TET3: variants seen among roughly 807,000 people sequenced by gnomAD.
TET3 encodes the protein tet methylcytosine dioxygenase 3.
Under a neutral mutation model 141.4 loss-of-function variants are expected in TET3, and 19 were observed. That is an observed-to-expected ratio of 0.13 (90% CI 0.09 to 0.20). The LOEUF (loss-of-function observed/expected upper bound fraction) is 0.20. Ranked by LOEUF, TET3 falls within the 10% of genes least tolerant of loss-of-function variation. The pLI, the probability that TET3 is intolerant of heterozygous loss-of-function variation, is 1.00. For synonymous variants in TET3, 1,043 were observed against 980.9 expected (o/e 1.06, Z -1.18); for missense variants, 1,874 against 2,356.9 (o/e 0.80, Z 4.24).
chr2:74,020,863 C>T (rs1686000592), intron 3 of TET3, among the ~76,000 whole-genome samples: 2 of 152,138 alleles, frequency 1.3e-5, no homozygotes, highest in African/African-American at 4.8e-5. Context: ...TCAGCGTGTC[C>T]CGGGGTTTCC....
Position 74,093,469 on chromosome 2 carries a change from G to A in TET3, c.3130-60G>A. ...CTTCCAAGACCTGGCCTCCCCAGGT[G>A]CAGAATCGGGGCCACTCACCTCAGG... On this transcript the variant is annotated intron_variant, in intron 9 of 11. Coordinates refer to ENST00000409262, the MANE Select transcript of TET3 (RefSeq NM_001287491.2). The surrounding 1 kb of genome is among the most constrained non-coding windows in gnomAD (Gnocchi z 4.2). The A allele has an allele frequency of 1.3e-6, 2 of 1,499,340 alleles. No individual in the cohort carries two copies. The highest frequency in any genetic ancestry group is 1.8e-6 in the Non-Finnish European group (2 of 1,116,516). The allele number at this position is 1,499,340 out of a possible 1,614,324, so 92.9% of individuals were successfully genotyped here.
At chr2:74,114,680 C>T in the TET3 span, among the ~76,000 whole-genome samples, 2 of 151,288 alleles carry the variant, frequency 1.3e-5, no homozygotes, top group African/African-American at 4.9e-5. Context: ...GGTGAAACCC[C>T]CGTCTCTACT....
At chr2:74,012,262 T>A (rs1286727726) in intron 3 of TET3, among the ~76,000 whole-genome samples, 2 of 152,176 alleles carry the variant, frequency 1.3e-5, no homozygotes, top group Non-Finnish European at 2.9e-5. Flanking sequence ...ATGAGCCACC[T>A]CCTCAGGCCC....
chr2:74,076,441 G>GTTTTTTTTT (rs70965785), intron 5 of TET3, among the ~76,000 whole-genome samples: 1 of 56,584 alleles, frequency 1.8e-5, no homozygotes, highest in African/African-American at 6.2e-5. Context: ...ATTCCTCTGG[G>GTTTTTTTTT]TTTTTTTTTT....
rs780832513 is a variant in TET3, at chr2:74,048,092, C to T, written c.2175C>T (p.Pro725=). 20 of 1,613,310 alleles carry T rather than the reference C, an allele frequency of 1.2e-5. No homozygotes were observed. Among genetic ancestry groups the T allele is most frequent in the Admixed American group, 3.3e-5 (2 of 59,904 alleles). The change falls in exon 4 of 12, where the codon CCC becomes CCT. Residue 725 remains proline, a synonymous_variant. Coordinates refer to ENST00000409262, the MANE Select transcript of TET3 (RefSeq NM_001287491.2). ...EAEFGDSFGL[P]GPPSVPIQDP... ...AATTTGGAGATAGCTTTGGGCTTCC[C>T]GGCCCCCCTTCTGTGCCCATTCAGG...
At chr2:74,067,684 G>T in intron 4 of TET3, among the ~76,000 whole-genome samples, 1 of 152,190 alleles carries the variant, frequency 6.6e-6, no homozygotes, top group Admixed American at 6.5e-5. Context: ...TTTAAACTAG[G>T]CCCTTTCTTG....
chr2:74,073,823 T>C, intron 5 of TET3, 184 bp downstream of exon 5: 1 of 514,860 alleles, frequency 1.9e-6, no homozygotes, highest in Non-Finnish European at 3.4e-6. Flanking sequence ...TCTTTCATTC[T>C]GTAGGTCTGC....
chr2:74,112,613 A>T (rs1361617534), downstream of TET3, among the ~76,000 whole-genome samples: 1 of 152,044 alleles, frequency 6.6e-6, no homozygotes, highest in Non-Finnish European at 1.5e-5. Flanking sequence ...TATTTTAAAA[A>T]ACAAATATTA....
chr2:74,047,378 G>C lies in TET3; in HGVS notation c.1461G>C (p.Lys487Asn). ...AGCGGCCTGAGGCCCTGCCTACCAA[G>C]CCCAAGGTCAAGGTGGAGGCACCCT... ...VFKRPEALPT[K>N]PKVKVEAPSS... Residue 487 changes from lysine (K) to asparagine (N), a missense_variant, in exon 4 of 12, where the codon AAG becomes AAC. Physicochemically the swap from Lys to Asn is moderately conservative, Grantham distance 94. Coordinates refer to ENST00000409262, the MANE Select transcript of TET3 (RefSeq NM_001287491.2). The C allele has an allele frequency of 6.2e-7, 1 of 1,613,808 alleles. No homozygotes were observed. The highest frequency in any genetic ancestry group is 8.5e-7 in the Non-Finnish European group (1 of 1,179,876).
chr2:74,093,480 G>C lies in TET3; in HGVS notation c.3130-49G>C. On this transcript the variant is annotated intron_variant, in intron 9 of 11. Transcript: ENST00000409262. This position sits in a 1 kb window ranked among gnomAD's most constrained non-coding sequence, Gnocchi z 4.2. Reference sequence around the variant, plus strand: ...TGGCCTCCCCAGGTGCAGAATCGGGGCCACTCACCTCAGGTCATGTGAGCA... The same window carrying C: ...TGGCCTCCCCAGGTGCAGAATCGGGCCCACTCACCTCAGGTCATGTGAGCA... 6.6e-7 allele frequency: 1 copy of C among 1,514,978 alleles called. No individual in the cohort carries two copies. 93.8% of individuals were successfully genotyped at this position (1,514,978 alleles called of 1,614,324 possible).
At chr2:74,109,746 CATCATTATTCATATTGGG>C (rs964175115), downstream of TET3, among the ~76,000 whole-genome samples, 1 of 152,202 alleles carries the variant, frequency 6.6e-6, no homozygotes, top group African/African-American at 2.4e-5. Flanking sequence ...ACACCTAGAG[CATCATTATTCATATTGGG>C]ATCTCTAGAA....
At chr2:74,076,608 CT>C (rs565794507) in intron 5 of TET3, among the ~76,000 whole-genome samples, 451 of 141,524 alleles carry the variant, frequency 3.2e-3, no homozygotes, top group Middle Eastern at 3.6e-3. Flanking sequence ...ACCAGCATAC[CT>C]TTTTTTTTTT....
chr2:74,120,398 C>T, the TET3 span, among the ~76,000 whole-genome samples: 23,457 of 152,276 alleles, frequency 0.15, 2,387 homozygotes, highest in East Asian at 0.37. Flanking sequence ...TCCGTCTTTC[C>T]CTCCTGGGCT....
At chr2:74,038,976 C>A (rs141072724) in intron 3 of TET3, among the ~76,000 whole-genome samples, 1 of 152,224 alleles carries the variant, frequency 6.6e-6, no homozygotes, top group East Asian at 1.9e-4. Flanking sequence ...TCATCCCCAT[C>A]TGTCTGCTAG....
chr2:74,054,540 A>G (rs1260092816), intron 4 of TET3, among the ~76,000 whole-genome samples: 1 of 152,158 alleles, frequency 6.6e-6, no homozygotes, highest in Non-Finnish European at 1.5e-5. Flanking sequence ...GTGAACTGGT[A>G]GTTCTTTGGC....
At chr2:74,016,606 C>CAGCT (rs544075254) in intron 3 of TET3, among the ~76,000 whole-genome samples, 3 of 151,912 alleles carry the variant, frequency 2.0e-5, no homozygotes, top group African/African-American at 4.8e-5. Flanking sequence ...CCTGTAGTTC[C>CAGCT]AGCTATTTGG....
At chr2:74,109,710 A>G (rs187433804), downstream of TET3, among the ~76,000 whole-genome samples, 5 of 151,592 alleles carry the variant, frequency 3.3e-5, no homozygotes, top group Non-Finnish European at 1.5e-5. Context: ...GTCCACCACT[A>G]CTCCCCACCG....
At chr2:74,030,591 C>G (rs545781033) in intron 3 of TET3, among the ~76,000 whole-genome samples, 14 of 152,264 alleles carry the variant, frequency 9.2e-5, no homozygotes, top group African/African-American at 3.4e-4. Flanking sequence ...CATTTATTTG[C>G]TTATCTACAG....
At chr2:74,076,886 C>G (rs1233532599) in intron 5 of TET3, among the ~76,000 whole-genome samples, 1 of 152,172 alleles carries the variant, frequency 6.6e-6, no homozygotes, top group Non-Finnish European at 1.5e-5. Context: ...TTAGCTTTTC[C>G]AGTAAAGATT....
Sources: allele counts gnomAD v4.1 joint callset (sites outside exome capture counted in the v4.1 genomes callset), GRCh38; gene constraint gnomAD v4.1.1; non-coding constraint Gnocchi (gnomAD v3.1); transcripts MANE v1.5; gene names NCBI Gene and HGNC (gene_info 2026-07-23, HGNC 2026-07-21).